KAZN: variants seen among roughly 807,000 people sequenced by gnomAD.
KAZN encodes kazrin.
Under a neutral mutation model 87.4 loss-of-function variants are expected in KAZN, and 40 were observed. The observed-to-expected ratio is 0.46, with a 90% CI of 0.36 to 0.60. The LOEUF is 0.60. Among genes scored for constraint, KAZN ranks in the 20% least tolerant of loss-of-function variants. The pLI, the probability that KAZN is intolerant of heterozygous loss-of-function variation, is 0.00. For missense variants in KAZN, 898 were observed against 1,073.9 expected (o/e 0.84, Z 2.29); for synonymous variants, 466 against 458.3 (o/e 1.02, Z -0.22).
intron 2 of KAZN, among the ~76,000 whole-genome samples, chr1:15,004,655 A>G (rs1443109229): frequency 6.6e-6 from 1 of 152,210 alleles, no homozygotes; most frequent in Non-Finnish European, 1.5e-5. Flanking sequence ...GTCTCACTGA[A>G]GTCAGCCTCT....
intron 2 of KAZN, among the ~76,000 whole-genome samples, chr1:14,992,208 T>A (rs1667427962): frequency 6.6e-6 from 1 of 152,128 alleles, no homozygotes; most frequent in African/African-American, 2.4e-5. Flanking sequence ...CCCGTGAGTG[T>A]GTGAGGAGCA....
At chr1:14,208,825 G>A (rs992005950) in intron 2 of KAZN, among the ~76,000 whole-genome samples, 12 of 152,130 alleles carry the variant, frequency 7.9e-5, no homozygotes, top group African/African-American at 1.2e-4. Flanking sequence ...GTTGAGTCAC[G>A]GCCTATGGTC....
At chr1:14,381,059 T>C (rs1306292172) in intron 2 of KAZN, among the ~76,000 whole-genome samples, 2 of 152,198 alleles carry the variant, frequency 1.3e-5, no homozygotes, top group African/African-American at 4.8e-5. Flanking sequence ...TCTCATCCCA[T>C]GGCCATCATC....
chr1:14,028,199 G>T (rs999956323), intron 1 of KAZN, among the ~76,000 whole-genome samples: 28 of 20,854 alleles, frequency 1.3e-3, no homozygotes, highest in Non-Finnish European at 2.9e-3. Context: ...AAAAACTGGT[G>T]TCTGGGAAAC....
chr1:14,932,258 G>A (rs990147895), intron 1 of KAZN, among the ~76,000 whole-genome samples: 11 of 142,172 alleles, frequency 7.7e-5, no homozygotes, highest in South Asian at 7.7e-4. Flanking sequence ...TCCCCGCCCC[G>A]TCCCCTGCCC....
chr1:14,953,756 C>T (rs972057622), intron 1 of KAZN, among the ~76,000 whole-genome samples: 4 of 152,152 alleles, frequency 2.6e-5, no homozygotes, highest in African/African-American at 9.7e-5. Context: ...AGGTCGCCTT[C>T]TGTTAAAAGG....
rs1673040586 is a variant in KAZN, at chr1:14,544,797, TG to T, written c.250-54183del. Among the ~76,000 whole-genome samples, 5 of 150,904 alleles carry T rather than the reference TG, an allele frequency of 3.3e-5. No homozygotes were observed. The South Asian group carries it at 8.4e-4, about 25-fold the overall frequency. ...GTTACCCAGGCTGTTCTCAAACTCC[TG>T]GGCTTGAGTGATCCTCCTGCCTCTG... On this transcript the variant is annotated intron_variant, in intron 2 of 16. Coordinates refer to the KAZN transcript ENST00000636203.
At chr1:14,076,309 A>G (rs992997182) in intron 1 of KAZN, among the ~76,000 whole-genome samples, 2 of 152,042 alleles carry the variant, frequency 1.3e-5, no homozygotes, top group Non-Finnish European at 2.9e-5. Flanking sequence ...AGACACACAG[A>G]CAGGTCAGCA....
intron 1 of KAZN, among the ~76,000 whole-genome samples, chr1:14,143,214 T>C (rs1645277627): frequency 6.6e-6 from 1 of 152,314 alleles, no homozygotes; most frequent in Admixed American, 6.5e-5. Context: ...CCCCATGATT[T>C]TGAAATTTTT....
At chr1:14,399,068 C>G (rs1392846330) in intron 2 of KAZN, among the ~76,000 whole-genome samples, 1 of 152,196 alleles carries the variant, frequency 6.6e-6, no homozygotes, top group African/African-American at 2.4e-5. Flanking sequence ...CTCTGTCACC[C>G]AGGCTAGAGT....
intron 1 of KAZN, among the ~76,000 whole-genome samples, chr1:14,666,557 A>G (rs917897010): frequency 2.6e-5 from 4 of 152,296 alleles, no homozygotes; most frequent in Non-Finnish European, 5.9e-5. Context: ...CTGTTGAGAA[A>G]GCTGGAAGTA....
intron 11 of KAZN, among the ~76,000 whole-genome samples, chr1:15,102,993 G>A (rs1434911237): frequency 6.6e-6 from 1 of 152,216 alleles, no homozygotes; most frequent in East Asian, 1.9e-4. Context: ...AGGCCTGGTG[G>A]CTCACGCCTG....
At chr1:14,840,550 C>T (rs1647839965) in intron 1 of KAZN, among the ~76,000 whole-genome samples, 1 of 152,252 alleles carries the variant, frequency 6.6e-6, no homozygotes, top group Non-Finnish European at 1.5e-5. Flanking sequence ...CTCTAGCCTT[C>T]GTGGCAGGTG....
intron 2 of KAZN, among the ~76,000 whole-genome samples, chr1:14,396,792 C>G (rs759742094): frequency 6.6e-6 from 1 of 152,296 alleles, no homozygotes; most frequent in Admixed American, 6.5e-5. Flanking sequence ...AGCCATGCAG[C>G]CTGGATCTGT....
intron 1 of KAZN, among the ~76,000 whole-genome samples, chr1:14,906,330 G>T (rs929084189): frequency 2.6e-5 from 4 of 151,980 alleles, no homozygotes; most frequent in Admixed American, 2.0e-4. Flanking sequence ...TTTCTTTCTC[G>T]CCCTCTCTTG....
At chr1:14,635,605 C>T (rs901315219) in intron 1 of KAZN, among the ~76,000 whole-genome samples, 8 of 152,182 alleles carry the variant, frequency 5.3e-5, no homozygotes, top group East Asian at 1.9e-4. Flanking sequence ...TAGGCTGCCC[C>T]GAGCAATTCT....
intron 2 of KAZN, among the ~76,000 whole-genome samples, chr1:15,008,676 G>A (rs1310809484): frequency 6.6e-6 from 1 of 152,204 alleles, no homozygotes; most frequent in Non-Finnish European, 1.5e-5. Flanking sequence ...TAAGTCTAAG[G>A]CTCTTTCTAG....
intron 7 of KAZN, among the ~76,000 whole-genome samples, chr1:15,064,473 G>C (rs941599810): frequency 6.6e-6 from 1 of 152,194 alleles, no homozygotes; most frequent in Non-Finnish European, 1.5e-5. Context: ...TGAAGCACTT[G>C]GCAGTTTGCA....
At chr1:15,047,745 T>C (rs953207874) in intron 4 of KAZN, among the ~76,000 whole-genome samples, 3 of 151,838 alleles carry the variant, frequency 2.0e-5, no homozygotes, top group African/African-American at 7.3e-5. Flanking sequence ...CACTCCAGCC[T>C]GGGCAACAGA....
Sources: allele counts gnomAD v4.1 joint callset (sites outside exome capture counted in the v4.1 genomes callset), GRCh38; gene constraint gnomAD v4.1.1; transcripts MANE v1.5; gene names NCBI Gene and HGNC (gene_info 2026-07-23, HGNC 2026-07-21).